Variants in CDC16 observed in about 807,000 individuals in gnomAD.
The protein encoded by CDC16 is cell division cycle protein 16 homolog.
Under a neutral mutation model 87.0 loss-of-function variants are expected in CDC16, and 34 were observed. The observed-to-expected ratio is 0.39, with a 90% CI of 0.30 to 0.52. The LOEUF is 0.52. Ranked by LOEUF, CDC16 falls within the 20% of genes least tolerant of loss-of-function variation. CDC16 has a pLI of 0.74. For synonymous variants in CDC16, 263 were observed against 260.6 expected (o/e 1.01, Z -0.09); for missense variants, 653 against 751.9 (o/e 0.87, Z 1.54).
intron 12 of CDC16, among the ~76,000 whole-genome samples, chr13:114,255,357 G>A (rs569789422): frequency 5.2e-4 from 79 of 152,192 alleles, no homozygotes; most frequent in Non-Finnish European, 1.0e-3. Flanking sequence ...CTTTCCTACT[G>A]TAATACAGCT....
chr13:114,250,225 G>A (rs1404842069), intron 11 of CDC16, among the ~76,000 whole-genome samples: 1 of 152,136 alleles, frequency 6.6e-6, no homozygotes, highest in African/African-American at 2.4e-5. Flanking sequence ...GGGCGCAGTG[G>A]CTCACGCCTG....
chr13:114,245,757 G>A lies in CDC16; in HGVS notation c.848-243G>A, dbSNP rs893625725. On this transcript the variant is annotated intron_variant, in intron 9 of 17. Coordinates refer to ENST00000356221, the MANE Select transcript of CDC16 (RefSeq NM_001078645.3). ...GCTTCTAAGAGAGGTGAGGTGCTTTGCTGTATCCTCTGCAGTATTCGGGAA... is the reference window on the plus strand; with the variant it reads ...GCTTCTAAGAGAGGTGAGGTGCTTTACTGTATCCTCTGCAGTATTCGGGAA... The A allele has an allele frequency of 1.1e-4, 45 of 422,926 alleles. No individual in the cohort carries two copies. In the Middle Eastern group the frequency reaches 1.9e-3, roughly 18 times the overall value. The allele number at this position is 422,926 out of a possible 1,614,324, so 26.2% of individuals were successfully genotyped here.
chr13:114,263,142 C>T, intron 16 of CDC16, 128 bp downstream of exon 16: 1 of 769,496 alleles, frequency 1.3e-6, no homozygotes, highest in Non-Finnish European at 2.1e-6. Flanking sequence ...ACGTGTTATT[C>T]TTTTCTTTGC....
At position 114,237,117 on chromosome 13, in the gene CDC16, C is replaced by T. The variant is rs182940263; in HGVS notation, c.201+221C>T. On this transcript the variant is annotated intron_variant, in intron 3 of 17. Coordinates refer to ENST00000356221, the MANE Select transcript of CDC16 (RefSeq NM_001078645.3). ...GCAGGCGCCTGTAATCCCAGCTACT[C>T]GGGAGGCTGAGGCAGAGAATTACTT... is the stretch of plus-strand genomic sequence containing the variant. Among the ~76,000 whole-genome samples, 370 of 151,492 alleles carry T rather than the reference C, an allele frequency of 2.4e-3. 1 individual carries two copies. The highest frequency in any genetic ancestry group is 8.8e-3 in the African/African-American group (362 of 41,260).
At chr13:114,246,846 C>T (rs2081898740) in intron 10 of CDC16, 85 bp from the exon 11 acceptor site, 1 of 820,972 alleles carries the variant, frequency 1.2e-6, no homozygotes, top group Non-Finnish European at 2.2e-6. Flanking sequence ...ATGTAGTATA[C>T]CCTCTGTCTA....
intron 8 of CDC16, 135 bp downstream of exon 8, chr13:114,244,124 G>A (rs1343074155): frequency 3.3e-6 from 2 of 607,774 alleles, no homozygotes; most frequent in Non-Finnish European, 5.6e-6. Context: ...GTAGAGCACT[G>A]AACAGGGTGC....
At chr13:114,248,178 A>G (rs1431987733) in intron 11 of CDC16, among the ~76,000 whole-genome samples, 1 of 152,238 alleles carries the variant, frequency 6.6e-6, no homozygotes, top group African/African-American at 2.4e-5. Context: ...TCAAGTTTAG[A>G]AAAATGTCAA....
chr13:114,244,041 AC>A, intron 8 of CDC16, 52 bp downstream of exon 8: 6 of 1,297,382 alleles, frequency 4.6e-6, no homozygotes, highest in Non-Finnish European at 6.6e-6. Flanking sequence ...ACTCCATCTT[AC>A]CTAGGTGATT....
chr13:114,252,418 G>C (rs975626589), intron 12 of CDC16, among the ~76,000 whole-genome samples: 1 of 152,168 alleles, frequency 6.6e-6, no homozygotes, highest in Admixed American at 6.5e-5. Context: ...GAATTTGGGG[G>C]GCAGAGGGGA....
intron 12 of CDC16, among the ~76,000 whole-genome samples, chr13:114,252,537 T>C (rs2082254354): frequency 6.6e-6 from 1 of 152,146 alleles, no homozygotes; most frequent in African/African-American, 2.4e-5. Flanking sequence ...AGTCCAGGTC[T>C]CTCCATCCTG....
At chr13:114,271,773 G>A (rs1027585194) in intron 17 of CDC16, among the ~76,000 whole-genome samples, 4 of 152,052 alleles carry the variant, frequency 2.6e-5, no homozygotes, top group Non-Finnish European at 5.9e-5. Flanking sequence ...GAGCCACCGC[G>A]CCTGGCCACA....
chr13:114,243,122 C>T (rs1043701639), intron 6 of CDC16, 135 bp from the exon 7 acceptor site: 22 of 571,570 alleles, frequency 3.8e-5, no homozygotes, highest in Middle Eastern at 4.8e-4. Flanking sequence ...GCTTCTGTTG[C>T]ACATTTTGAT....
chr13:114,244,985 A>G lies in CDC16; in HGVS notation c.847+16A>G. ...AAAGCCAATGGTAAGACTTTTTTTT[A>G]AATTAAAGTAATTCTTAGACATAAA... On this transcript the variant is annotated intron_variant, in intron 9 of 17. Transcript: ENST00000356221. 7.1e-7 allele frequency: 1 copy of G among 1,403,418 alleles called. No individual in the cohort carries two copies. The highest frequency in any genetic ancestry group is 1.2e-5 in the South Asian group (1 of 81,702). The allele number at this position is 1,403,418 out of a possible 1,614,324, so 86.9% of individuals were successfully genotyped here.
intron 10 of CDC16, 94 bp downstream of exon 10, chr13:114,246,143 G>C: frequency 1.7e-6 from 1 of 575,010 alleles, no homozygotes; most frequent in Non-Finnish European, 3.0e-6. Flanking sequence ...TTAAGTTCAA[G>C]CAAATGATGT....
Position 114,259,385 on chromosome 13 carries a change from C to T in CDC16, c.1301C>T (p.Ala434Val). ...WFLDALEKIK[A>V]IGNEVTVDKW... is the part of the protein sequence containing the mutation. ...CTTGATGCTTTGGAAAAAATTAAAG[C>T]AATTGGGAACGAGGTATTCTTTGTA... Residue 434 changes from alanine to valine, a missense_variant, in exon 14 of 18, where the codon GCA becomes GTA. Transcript: ENST00000356221. The T allele has an allele frequency of 6.4e-7, 1 of 1,565,858 alleles. No individual in the cohort carries two copies. Among genetic ancestry groups the T allele is most frequent in the Non-Finnish European group, 8.6e-7 (1 of 1,163,950 alleles).
rs2081911046 is a variant in CDC16 at position 114,247,059 on chromosome 13, A to G, written c.971+55A>G. 2.7e-6 allele frequency: 3 copies of G among 1,125,094 alleles called. No homozygotes were observed. In the South Asian group the frequency reaches 3.8e-5, roughly 14 times the overall value. The allele number at this position is 1,125,094 out of a possible 1,614,324, so 69.7% of individuals were successfully genotyped here. Reference sequence around the variant, plus strand: ...AACCTGTAGAATTGATGTCTTGCTCATAAGCTTTCAAGTAGTAATTAGTGA... The same window carrying G: ...AACCTGTAGAATTGATGTCTTGCTCGTAAGCTTTCAAGTAGTAATTAGTGA... On this transcript the variant is annotated intron_variant, in intron 11 of 17. Transcript: ENST00000356221.
intron 6 of CDC16, 96 bp from the exon 7 acceptor site, chr13:114,243,161 T>G: frequency 1.5e-6 from 1 of 678,248 alleles, no homozygotes; most frequent in South Asian, 1.8e-5. Flanking sequence ...TTTGATTTAC[T>G]TAGACCAAGA....
At chr13:114,262,371 C>G (rs2082909251) in intron 15 of CDC16, among the ~76,000 whole-genome samples, 1 of 152,168 alleles carries the variant, frequency 6.6e-6, no homozygotes. Flanking sequence ...TGAGTCTTTA[C>G]TATGTATTAC....
intron 12 of CDC16, 132 bp from the exon 13 acceptor site, chr13:114,256,946 A>T: frequency 1.8e-6 from 1 of 544,972 alleles, no homozygotes; most frequent in Non-Finnish European, 3.2e-6. Context: ...TTTGTAAATT[A>T]AGAGAAAAAA....
Sources: allele counts gnomAD v4.1 joint callset (sites outside exome capture counted in the v4.1 genomes callset), GRCh38; gene constraint gnomAD v4.1.1; transcripts MANE v1.5; gene names NCBI Gene and HGNC (gene_info 2026-07-23, HGNC 2026-07-21).